The following TGM6 variants were observed in gnomAD, a reference collection of about 807,000 sequenced individuals.
The protein encoded by TGM6 is protein-glutamine gamma-glutamyltransferase 6.
TGM6 carries 74 observed loss-of-function variants against 77.5 expected under a neutral mutation model. The ratio of observed to expected loss-of-function variants is 0.96; its 90% CI spans 0.79 to 1.16. The LOEUF is 1.16. Ranked by LOEUF, TGM6 falls within the 50% of genes most tolerant of loss-of-function variation. TGM6 has a pLI of 0.00. For synonymous variants in TGM6, 383 were observed against 378.9 expected (o/e 1.01, Z -0.12); for missense variants, 968 against 940.2 (o/e 1.03, Z -0.39).
intron 9 of TGM6, among the ~76,000 whole-genome samples, chr20:2,415,646 G>C (rs2084811389): frequency 6.6e-6 from 1 of 152,152 alleles, no homozygotes; most frequent in Non-Finnish European, 1.5e-5. Flanking sequence ...ATGCTCAGCA[G>C]GACCTGGTGA....
At position 2,394,477 on chromosome 20, in the gene TGM6, G is replaced by A. The variant is rs1188606120; in HGVS notation, c.33G>A (p.Trp11Ter). Reference protein sequence around the residue: MAGIRVTKVDWQRSRNGAAHH... With the variant: MAGIRVTKVD ...GGATCAGAGTCACCAAGGTGGACTG[G>A]CAGCGGTCGAGGAATGGCGCTGCCC... Residue 11 changes from tryptophan to a stop codon, truncating the protein, a stop_gained, in exon 2 of 13, where the codon TGG (tryptophan) becomes TGA (stop). Coordinates refer to ENST00000202625, the MANE Select transcript of TGM6 (RefSeq NM_198994.3). LOFTEE classifies it high-confidence loss of function. 9.9e-6 allele frequency: 16 copies of A among 1,611,430 alleles called. No individual in the cohort carries two copies. The highest frequency in any genetic ancestry group is 3.3e-5 in the Admixed American group (2 of 60,004).
chr20:2,432,346 C>T lies in TGM6; in HGVS notation c.1968-144C>T, dbSNP rs2084928911. 7 of 1,032,496 alleles carry T rather than the reference C, an allele frequency of 6.8e-6. No individual in the cohort carries two copies. The Admixed American group carries it at 1.3e-4, about 19-fold the overall frequency. The allele number at this position is 1,032,496 out of a possible 1,614,324, so 64.0% of individuals were successfully genotyped here. ...TACAGGAGTGAGCCACCGCACCTGG[C>T]CTGCAAACATGTTGATAAGGCTTGA... On this transcript the variant is annotated intron_variant, in intron 12 of 12. Transcript: ENST00000202625.
At chr20:2,384,225 G>A (rs962047110) in intron 1 of TGM6, among the ~76,000 whole-genome samples, 7 of 152,046 alleles carry the variant, frequency 4.6e-5, no homozygotes, top group African/African-American at 9.7e-5. Flanking sequence ...TTGCCCTAGC[G>A]TGTTTATTAA....
intron 10 of TGM6, among the ~76,000 whole-genome samples, chr20:2,424,913 A>T (rs1377664374): frequency 6.6e-6 from 1 of 152,206 alleles, no homozygotes; most frequent in African/African-American, 2.4e-5. Context: ...AAGGACAGGG[A>T]GAGAGATAGG....
intron 10 of TGM6, among the ~76,000 whole-genome samples, chr20:2,420,061 A>G (rs1599964951): frequency 1.3e-5 from 2 of 152,156 alleles, no homozygotes; most frequent in East Asian, 1.9e-4. Flanking sequence ...TAGCTAACAC[A>G]GTGAAACCCC....
intron 2 of TGM6, 119 bp from the exon 3 acceptor site, chr20:2,395,075 A>T: frequency 6.6e-7 from 1 of 1,508,214 alleles, no homozygotes; most frequent in Non-Finnish European, 8.9e-7. Flanking sequence ...TCCTTCTCCC[A>T]AAGCCTCCCA....
chr20:2,432,409 T>C, intron 12 of TGM6, 81 bp from the exon 13 acceptor site: 1 of 1,567,288 alleles, frequency 6.4e-7, no homozygotes, highest in African/African-American at 1.4e-5. Context: ...CTGAGGAGCC[T>C]GGGGAGCCGT....
intron 9 of TGM6, among the ~76,000 whole-genome samples, chr20:2,405,654 T>C (rs992359768): frequency 1.3e-5 from 2 of 152,234 alleles, no homozygotes; most frequent in East Asian, 1.9e-4. Flanking sequence ...GACTAATTCC[T>C]GTGCTGTTCC....
At chr20:2,405,970 A>G (rs180985516) in intron 9 of TGM6, among the ~76,000 whole-genome samples, 119 of 152,202 alleles carry the variant, frequency 7.8e-4, no homozygotes, top group African/African-American at 2.8e-3. Flanking sequence ...GAGAATACCA[A>G]CTTCCCTTTC....
At chr20:2,405,297 G>A (rs983302134) in intron 9 of TGM6, among the ~76,000 whole-genome samples, 3 of 152,188 alleles carry the variant, frequency 2.0e-5, no homozygotes, top group Admixed American at 1.3e-4. Context: ...AGCAATTCAT[G>A]AGCCCAATCC....
At chr20:2,422,545 C>T (rs1004150915) in intron 10 of TGM6, among the ~76,000 whole-genome samples, 1 of 152,160 alleles carries the variant, frequency 6.6e-6, no homozygotes, top group African/African-American at 2.4e-5. Context: ...GTTATATTTA[C>T]ATTATACTGT....
intron 12 of TGM6, among the ~76,000 whole-genome samples, chr20:2,431,282 T>C (rs1195983878): frequency 6.6e-6 from 1 of 152,246 alleles, no homozygotes; most frequent in African/African-American, 2.4e-5. Flanking sequence ...TATTTATCCA[T>C]TTATTCACTC....
At chr20:2,389,911 G>A (rs1042353559) in intron 1 of TGM6, among the ~76,000 whole-genome samples, 49 of 152,016 alleles carry the variant, frequency 3.2e-4, no homozygotes, top group Non-Finnish European at 5.9e-5. Context: ...TATGAATAAC[G>A]GCTGCTTCTT....
At chr20:2,399,856 G>C in intron 6 of TGM6, 118 bp downstream of exon 6, 1 of 930,984 alleles carries the variant, frequency 1.1e-6, no homozygotes, top group Non-Finnish European at 1.6e-6. Context: ...CATTGACAGG[G>C]AGAACGAAGT....
chr20:2,407,739 C>A (rs1188328762), intron 9 of TGM6, among the ~76,000 whole-genome samples: 4 of 152,256 alleles, frequency 2.6e-5, no homozygotes, highest in Non-Finnish European at 5.9e-5. Context: ...CTTAGGGCCT[C>A]TGCCCTCCCT....
rs1294330098 is a variant in TGM6 at position 2,432,478 on chromosome 20, C to T, written c.1968-12C>T. 4.3e-6 allele frequency: 7 copies of T among 1,613,798 alleles called. No homozygotes were observed. The highest frequency in any genetic ancestry group is 5.9e-6 in the Non-Finnish European group (7 of 1,179,922). ...ACTGACAGTCTGCCTTTCTCCCCTC[C>T]CCTTCCTCCAGCGTGCCTACCCTGG... On this transcript the variant is annotated splice_polypyrimidine_tract_variant and intron_variant, in intron 12 of 12. Transcript: ENST00000202625.
In TGM6 at chr20:2,399,605, G is replaced by A. The variant is rs201506281; in HGVS notation, c.717G>A (p.Gln239=). The A allele has an allele frequency of 5.6e-5, 90 of 1,613,544 alleles. No individual in the cohort carries two copies. In the East Asian group the frequency reaches 1.5e-3, roughly 27 times the overall value. ...NDRGVVQGQW[Q]GKYGGGTSPL... is the part of the protein sequence containing the mutation. ...GAGGTGTGGTGCAAGGACAGTGGCA[G>A]GGCAAGTACGGCGGCGGCACCAGCC... The change falls in exon 6 of 13, where the codon CAG becomes CAA. Residue 239 remains glutamine (Q), a synonymous_variant. Coordinates refer to ENST00000202625, the MANE Select transcript of TGM6 (RefSeq NM_198994.3).
At chr20:2,381,458 T>C (rs957899499) in intron 1 of TGM6, among the ~76,000 whole-genome samples, 5 of 152,186 alleles carry the variant, frequency 3.3e-5, no homozygotes, top group East Asian at 1.9e-4. Flanking sequence ...AAAACAGCTA[T>C]ATGACCTTGA....
chr20:2,407,571 A>T (rs373564115), intron 9 of TGM6, among the ~76,000 whole-genome samples: 19 of 152,230 alleles, frequency 1.2e-4, no homozygotes, highest in East Asian at 9.6e-4. Context: ...GTGAGCAGAG[A>T]TTACGTCACT....
Sources: allele counts gnomAD v4.1 joint callset (sites outside exome capture counted in the v4.1 genomes callset), GRCh38; gene constraint gnomAD v4.1.1; transcripts MANE v1.5; gene names NCBI Gene and HGNC (gene_info 2026-07-23, HGNC 2026-07-21).